BRINP3: variants seen among roughly 807,000 people sequenced by gnomAD.
BRINP3 encodes the protein BMP/retinoic acid-inducible neural-specific protein 3.
A neutral mutation model predicts 71.0 loss-of-function variants in BRINP3; 19 were observed. That is an observed-to-expected ratio of 0.27 (90% confidence interval 0.19 to 0.39). The LOEUF (loss-of-function observed/expected upper bound fraction) is 0.39, where lower values mean the gene tolerates loss of function less well. Ranked by LOEUF, BRINP3 falls within the 10% of genes least tolerant of loss-of-function variation. The pLI, the probability that BRINP3 is intolerant of heterozygous loss-of-function variation, is 1.00. For missense variants in BRINP3, 959 were observed against 940.8 expected (o/e 1.02, Z -0.25); for synonymous variants, 380 against 337.7 (o/e 1.13, Z -1.37).
intron 4 of BRINP3, among the ~76,000 whole-genome samples, chr1:190,262,367 C>G (rs151005451): frequency 6.6e-6 from 1 of 152,162 alleles, no homozygotes; most frequent in Non-Finnish European, 1.5e-5. Context: ...TCCTATTCCC[C>G]GCTACCTCAC....
intron 6 of BRINP3, among the ~76,000 whole-genome samples, chr1:190,168,839 CA>C (rs1651778480): frequency 6.6e-6 from 1 of 152,122 alleles, no homozygotes; most frequent in African/African-American, 2.4e-5. Context: ...GTAGCTTTAC[CA>C]TTGGCATGAT....
chr1:190,194,150 G>GAGTC (rs1294428838), intron 6 of BRINP3, among the ~76,000 whole-genome samples: 1 of 152,030 alleles, frequency 6.6e-6, no homozygotes, highest in Non-Finnish European at 1.5e-5. Flanking sequence ...TTATAACAGG[G>GAGTC]AGTCCATGGA....
intron 5 of BRINP3, among the ~76,000 whole-genome samples, chr1:190,233,931 TTTACC>T (rs1199555637): frequency 1.8e-4 from 28 of 152,152 alleles, no homozygotes; most frequent in Non-Finnish European, 3.1e-4. Flanking sequence ...TACATTTCTA[TTTACC>T]AGGAGAAAAA....
At chr1:190,254,055 T>G (rs186741436) in intron 4 of BRINP3, among the ~76,000 whole-genome samples, 51 of 152,336 alleles carry the variant, frequency 3.3e-4, no homozygotes, top group Admixed American at 1.2e-3. Context: ...TTTGTCAGGT[T>G]TGTCAAGGAT....
intron 6 of BRINP3, among the ~76,000 whole-genome samples, chr1:190,208,407 G>C (rs1476362565): frequency 6.6e-6 from 1 of 152,036 alleles, no homozygotes; most frequent in African/African-American, 2.4e-5. Context: ...GCAGGTAAGG[G>C]TTTTCCTTAT....
At chr1:190,271,714 T>G (rs2102899378) in intron 3 of BRINP3, among the ~76,000 whole-genome samples, 1 of 151,722 alleles carries the variant, frequency 6.6e-6, no homozygotes, top group East Asian at 1.9e-4. Context: ...AGATAAATGC[T>G]TTTCAGATAA....
intron 2 of BRINP3, among the ~76,000 whole-genome samples, chr1:190,445,699 C>T (rs954501535): frequency 6.6e-6 from 1 of 151,644 alleles, no homozygotes; most frequent in African/African-American, 2.4e-5. Flanking sequence ...TAAAAAAATA[C>T]ATATTAGCAA....
chr1:190,142,003 G>A (rs1215982633), intron 7 of BRINP3, among the ~76,000 whole-genome samples: 1 of 151,908 alleles, frequency 6.6e-6, no homozygotes, highest in Non-Finnish European at 1.5e-5. Context: ...AACATGAAAA[G>A]AAAAAACATA....
intron 6 of BRINP3, among the ~76,000 whole-genome samples, chr1:190,214,488 A>C (rs1656238706): frequency 6.6e-6 from 1 of 152,038 alleles, no homozygotes; most frequent in Non-Finnish European, 1.5e-5. Flanking sequence ...CTGTAGAGTC[A>C]TTGGAACTTC....
intron 2 of BRINP3, among the ~76,000 whole-genome samples, chr1:190,282,730 T>C (rs533975972): frequency 6.6e-6 from 1 of 152,144 alleles, no homozygotes. Flanking sequence ...CATCTGCAAG[T>C]AGCCTTCTCC....
chr1:190,202,210 G>A (rs1357174912), intron 6 of BRINP3, among the ~76,000 whole-genome samples: 1 of 152,134 alleles, frequency 6.6e-6, no homozygotes, highest in Non-Finnish European at 1.5e-5. Flanking sequence ...TGAAGTCAAA[G>A]GAGATCATTC....
At position 190,222,354 on chromosome 1, in the gene BRINP3, AC is replaced by A. The variant is rs542905937; in HGVS notation, c.961+3727del. 2.6e-4 allele frequency among the ~76,000 whole-genome samples: 40 copies of A among 152,110 alleles called. No homozygotes were observed. The South Asian group carries it at 8.1e-3, about 31-fold the overall frequency. ...AAAAATAAGAAGGCAATTAAAAAAA[AC>A]AAATGAAAACAAAAATACAACAAAC... On this transcript the variant is annotated intron_variant, in intron 6 of 7. Coordinates refer to ENST00000367462, the MANE Select transcript of BRINP3 (RefSeq NM_199051.3).
chr1:190,383,942 T>C (rs889498443), intron 2 of BRINP3, among the ~76,000 whole-genome samples: 6 of 151,976 alleles, frequency 3.9e-5, no homozygotes, highest in African/African-American at 1.2e-4. Flanking sequence ...AACACTACAA[T>C]AACCTCATGA....
At chr1:190,451,791 T>C (rs1262498895) in intron 2 of BRINP3, among the ~76,000 whole-genome samples, 1 of 152,240 alleles carries the variant, frequency 6.6e-6, no homozygotes, top group Admixed American at 6.5e-5. Context: ...GCCCTAGCTA[T>C]GATTTTAGCA....
At chr1:190,129,916 A>C (rs538191710) in intron 7 of BRINP3, among the ~76,000 whole-genome samples, 3 of 152,012 alleles carry the variant, frequency 2.0e-5, no homozygotes, top group African/African-American at 7.2e-5. Context: ...ACAACATTTA[A>C]CATTCCTATA....
At chr1:190,373,173 T>G (rs894035553) in intron 2 of BRINP3, among the ~76,000 whole-genome samples, 1 of 152,084 alleles carries the variant, frequency 6.6e-6, no homozygotes, top group Non-Finnish European at 1.5e-5. Flanking sequence ...GTTGATCGCC[T>G]GAGGTCAGGA....
chr1:190,319,860 C>T (rs534418733), intron 2 of BRINP3, among the ~76,000 whole-genome samples: 5 of 152,170 alleles, frequency 3.3e-5, no homozygotes, highest in Admixed American at 3.3e-4. Context: ...CTATCAGCTT[C>T]CTAGTAAGTG....
intron 3 of BRINP3, among the ~76,000 whole-genome samples, chr1:190,275,275 G>T (rs1207071337): frequency 2.0e-5 from 3 of 151,492 alleles, no homozygotes; most frequent in Admixed American, 6.6e-5. Context: ...GGTATGTATA[G>T]TTACAAACTC....
intron 2 of BRINP3, among the ~76,000 whole-genome samples, chr1:190,353,353 C>T (rs1387103896): frequency 6.6e-6 from 1 of 151,950 alleles, no homozygotes; most frequent in Non-Finnish European, 1.5e-5. Flanking sequence ...CTCACTAATG[C>T]CACTTTGATT....
Sources: gnomAD v4.1 joint callset for allele counts (sites outside exome capture counted in the v4.1 genomes callset) on GRCh38, gnomAD v4.1.1 for gene constraint, MANE v1.5 for transcripts, NCBI Gene and HGNC (gene_info 2026-07-23, HGNC 2026-07-21) for gene names.